Variants in TWSG1 observed in about 807,000 individuals in gnomAD.
TWSG1 encodes twisted gastrulation protein homolog 1.
Under a neutral mutation model 23.0 loss-of-function variants are expected in TWSG1, and 15 were observed. The ratio of observed to expected loss-of-function variants is 0.65; its 90% CI spans 0.44 to 1.00. TWSG1 has a LOEUF of 1.00. TWSG1 is among the 50% of genes least tolerant of loss of function. TWSG1 has a pLI of 0.00. For synonymous variants in TWSG1, 86 were observed against 92.8 expected (o/e 0.93, Z 0.42); for missense variants, 242 against 278.7 (o/e 0.87, Z 0.94).
intron 3 of TWSG1, among the ~76,000 whole-genome samples, chr18:9,390,956 G>T (rs2040709508): frequency 6.6e-6 from 1 of 152,182 alleles, no homozygotes; most frequent in Non-Finnish European, 1.5e-5. Flanking sequence ...CAATGCTGCA[G>T]TGAGTTATGA....
intron 4 of TWSG1, among the ~76,000 whole-genome samples, chr18:9,398,044 CAGT>C (rs2040746098): frequency 7.3e-6 from 1 of 136,614 alleles, no homozygotes; most frequent in African/African-American, 2.6e-5. Flanking sequence ...AAACAAAAAA[CAGT>C]GTGAGCTTCG....
chr18:9,350,139 CAA>C (rs1408693102), intron 2 of TWSG1, among the ~76,000 whole-genome samples: 2 of 139,988 alleles, frequency 1.4e-5, no homozygotes, highest in Non-Finnish European at 3.1e-5. Context: ...GACTCCATCT[CAA>C]AAAAAAAAAA....
chr18:9,337,173 AGTTGT>A lies in TWSG1; in HGVS notation c.-37-16_-37-12del. On this transcript the variant is annotated splice_polypyrimidine_tract_variant and intron_variant, in intron 1 of 4. Coordinates refer to ENST00000262120, the MANE Select transcript of TWSG1 (RefSeq NM_020648.6). ...ACCCTAGCACTTGCCTTTGAATTAA[AGTTGT>A]GTTTGTTTGTTTAGTTTCCTGGGAG... is the stretch of plus-strand genomic sequence containing the variant. 1 of 1,593,674 alleles carries A rather than the reference AGTTGT, an allele frequency of 6.3e-7. No individual in the cohort carries two copies. The highest frequency in any genetic ancestry group is 1.1e-5 in the South Asian group (1 of 90,540).
chr18:9,341,349 C>CT (rs1429035578), intron 2 of TWSG1, among the ~76,000 whole-genome samples: 3 of 152,046 alleles, frequency 2.0e-5, no homozygotes, highest in African/African-American at 7.3e-5. Context: ...CAAATGTTCT[C>CT]TTTTTTTCAT....
intron 3 of TWSG1, among the ~76,000 whole-genome samples, chr18:9,387,797 A>G (rs1389394726): frequency 1.3e-5 from 2 of 151,714 alleles, no homozygotes; most frequent in Non-Finnish European, 2.9e-5. Context: ...AGCAAATTGC[A>G]GACAGCAAAT....
At chr18:9,378,807 C>CAA (rs2040642887) in intron 3 of TWSG1, among the ~76,000 whole-genome samples, 1 of 145,490 alleles carries the variant, frequency 6.9e-6, no homozygotes, top group South Asian at 2.1e-4. Context: ...ACCATCTCTA[C>CAA]AAAAAATACC....
At chr18:9,377,322 G>A (rs1390390291) in intron 3 of TWSG1, among the ~76,000 whole-genome samples, 1 of 151,576 alleles carries the variant, frequency 6.6e-6, no homozygotes, top group Non-Finnish European at 1.5e-5. Context: ...GGGTTCAAGC[G>A]ATTCTCCTGT....
intron 3 of TWSG1, among the ~76,000 whole-genome samples, chr18:9,371,326 T>C (rs904372296): frequency 6.6e-5 from 10 of 151,352 alleles, no homozygotes. Flanking sequence ...AGATGGAGTC[T>C]TGCCCTGTCG....
At chr18:9,383,574 A>G (rs1199470596) in intron 3 of TWSG1, among the ~76,000 whole-genome samples, 1 of 152,100 alleles carries the variant, frequency 6.6e-6, no homozygotes, top group Non-Finnish European at 1.5e-5. Context: ...AAATTAGGAG[A>G]CTGTTGCAGT....
chr18:9,360,255 A>G (rs937539020), intron 3 of TWSG1, among the ~76,000 whole-genome samples, 184 bp downstream of exon 3: 1 of 152,228 alleles, frequency 6.6e-6, no homozygotes, highest in Admixed American at 6.5e-5. Flanking sequence ...CTATACATGT[A>G]TTTAAAAGTG....
At chr18:9,353,904 G>A (rs896695038) in intron 2 of TWSG1, among the ~76,000 whole-genome samples, 1 of 152,176 alleles carries the variant, frequency 6.6e-6, no homozygotes, top group African/African-American at 2.4e-5. Context: ...GCAACTCTTA[G>A]CCAATGAGTC....
chr18:9,387,157 A>C (rs1406084009), intron 3 of TWSG1, among the ~76,000 whole-genome samples: 2 of 152,216 alleles, frequency 1.3e-5, no homozygotes, highest in Non-Finnish European at 2.9e-5. Context: ...AAGTGAAGAG[A>C]AGAAAGAAAC....
At chr18:9,335,529 G>C (rs1380143909) in intron 1 of TWSG1, among the ~76,000 whole-genome samples, 1 of 152,206 alleles carries the variant, frequency 6.6e-6, no homozygotes, top group African/African-American at 2.4e-5. Flanking sequence ...TAAAAGATGG[G>C]AAAGGGGGGA....
chr18:9,381,935 G>T (rs948929104), intron 3 of TWSG1, among the ~76,000 whole-genome samples: 5 of 151,954 alleles, frequency 3.3e-5, no homozygotes, highest in Non-Finnish European at 5.9e-5. Flanking sequence ...GTGCTTATCC[G>T]CACGTTTTAA....
At chr18:9,381,791 T>C (rs2040657470) in intron 3 of TWSG1, among the ~76,000 whole-genome samples, 1 of 152,154 alleles carries the variant, frequency 6.6e-6, no homozygotes, top group Non-Finnish European at 1.5e-5. Context: ...TTTCAACCTA[T>C]TTTTGAAATA....
Position 9,401,402 on chromosome 18 carries a change from G to T in TWSG1, c.*1875G>T, listed in dbSNP as rs1361118827. 1 of 124,136 alleles carries T rather than the reference G, an allele frequency of 8.1e-6. No individual in the cohort carries two copies. Among genetic ancestry groups the T allele is most frequent in the Non-Finnish European group, 1.8e-5 (1 of 56,628 alleles). 7.7% of individuals were successfully genotyped at this position (124,136 alleles called of 1,614,324 possible). ...TGGAGTGATGTTTGTGTGTGTGTTGGCAACATGCCTAATGTTTTCTTAATG... is the reference window on the plus strand; with the variant it reads ...TGGAGTGATGTTTGTGTGTGTGTTGTCAACATGCCTAATGTTTTCTTAATG... On this transcript the variant is annotated 3_prime_UTR_variant, in exon 5 of 5. Coordinates refer to ENST00000262120, the MANE Select transcript of TWSG1 (RefSeq NM_020648.6).
At chr18:9,344,517 G>GTGTGTGTGTGTGTGTGTGTGTGTGTT (rs1555650744) in intron 2 of TWSG1, among the ~76,000 whole-genome samples, 1 of 105,760 alleles carries the variant, frequency 9.5e-6, no homozygotes, top group African/African-American at 3.5e-5. Context: ...GTGTGTGTGT[G>GTGTGTGTGTGTGTGTGTGTGTGTGTT]TGTGTATGTA....
At chr18:9,380,531 A>G (rs2040651537) in intron 3 of TWSG1, among the ~76,000 whole-genome samples, 1 of 152,206 alleles carries the variant, frequency 6.6e-6, no homozygotes, top group Non-Finnish European at 1.5e-5. Context: ...GTTACTCTTG[A>G]GCTAGTAATG....
intron 3 of TWSG1, among the ~76,000 whole-genome samples, chr18:9,387,297 A>G (rs2040688950): frequency 6.6e-6 from 1 of 152,228 alleles, no homozygotes; most frequent in South Asian, 2.1e-4. Flanking sequence ...CAAGAAAATA[A>G]TTCTCCATAA....
Sources: allele counts gnomAD v4.1 joint callset (sites outside exome capture counted in the v4.1 genomes callset), GRCh38; gene constraint gnomAD v4.1.1; transcripts MANE v1.5; gene names NCBI Gene and HGNC (gene_info 2026-07-23, HGNC 2026-07-21).